The following ZNF568 variants were observed in gnomAD, a reference collection of about 807,000 sequenced individuals.
The protein encoded by ZNF568 is p53 inhibitor of SCO2 activation.
Under a neutral mutation model 18.1 loss-of-function variants are expected in ZNF568, and 11 were observed. The ratio of observed to expected loss-of-function variants is 0.61; its 90% CI spans 0.38 to 1.00. ZNF568 has a LOEUF of 1.00. ZNF568 is among the 50% of genes least tolerant of loss of function. The pLI is 0.01. For missense variants in ZNF568, 639 were observed against 768.2 expected (o/e 0.83, Z 1.99); for synonymous variants, 213 against 246.6 (o/e 0.86, Z 1.28).
intron 4 of ZNF568, among the ~76,000 whole-genome samples, chr19:36,925,874 A>G (rs2073544473): frequency 6.6e-6 from 1 of 152,190 alleles, no homozygotes. Flanking sequence ...CATTTTATAT[A>G]AGGGACTTGA....
In ZNF568 at chr19:36,948,658, A is replaced by ATTTTTTTTTTT. The variant is rs4069585; in HGVS notation, c.359-839_359-829dup. Among the ~76,000 whole-genome samples, 68 of 83,550 alleles carry ATTTTTTTTTTT rather than the reference A, an allele frequency of 8.1e-4. 5 individuals are homozygous for ATTTTTTTTTTT. The highest frequency in any genetic ancestry group is 2.3e-3 in the African/African-American group (49 of 20,992). 54.8% of individuals were successfully genotyped at this position (83,550 alleles called of 152,430 possible). ...TTGCAGCAGGGGTTTTTTGTTGTTG[A>ATTTTTTTTTTT]TTTTTTTTTTTTTTTTTTTTTTTTT... is the stretch of plus-strand genomic sequence containing the variant. On this transcript the variant is annotated intron_variant, in intron 6 of 6. Coordinates refer to ENST00000333987, the MANE Select transcript of ZNF568 (RefSeq NM_198539.4).
exon 5 of ZNF568, chr19:36,996,446 A>T: frequency 6.5e-7 from 1 of 1,536,480 alleles, no homozygotes; most frequent in Non-Finnish European, 8.7e-7. Flanking sequence ...CAACAGGGTC[A>T]TCAGGAGGGA....
At chr19:36,954,240 A>G (rs1004964536), downstream of ZNF568, among the ~76,000 whole-genome samples, 37 of 152,090 alleles carry the variant, frequency 2.4e-4, no homozygotes, top group African/African-American at 8.7e-4. Flanking sequence ...AATAAAAACA[A>G]TACAAAGGAG....
chr19:36,966,282 A>T (rs553816014), intron 6 of ZNF568, among the ~76,000 whole-genome samples: 1 of 152,172 alleles, frequency 6.6e-6, no homozygotes, highest in East Asian at 2.0e-4. Context: ...ACTCTGTCTC[A>T]AAAAGAAAAA....
At chr19:36,959,144 C>T (rs1219791245) in intron 6 of ZNF568, among the ~76,000 whole-genome samples, 1 of 152,094 alleles carries the variant, frequency 6.6e-6, no homozygotes, top group East Asian at 1.9e-4. Flanking sequence ...ATGGTGTTAG[C>T]TGTGGGTTTG....
chr19:36,954,211 C>A (rs950898363), downstream of ZNF568, among the ~76,000 whole-genome samples: 1 of 152,014 alleles, frequency 6.6e-6, no homozygotes, highest in African/African-American at 2.4e-5. Context: ...GGCGACACAG[C>A]AAGACTCTGC....
intron 6 of ZNF568, among the ~76,000 whole-genome samples, chr19:36,958,612 CTTTCTTTTT>C (rs1300465865): frequency 2.2e-4 from 19 of 84,490 alleles, no homozygotes; most frequent in African/African-American, 8.5e-4. Flanking sequence ...TTTTCTTTTT[CTTTCTTTTT>C]TTTTTTTTTT....
chr19:36,966,287 GA>G (rs1236859421), intron 6 of ZNF568, among the ~76,000 whole-genome samples: 1 of 151,774 alleles, frequency 6.6e-6, no homozygotes, highest in African/African-American at 2.4e-5. Context: ...GTCTCAAAAA[GA>G]AAAAAAGAAA....
intron 6 of ZNF568, among the ~76,000 whole-genome samples, chr19:36,946,630 T>C (rs1207167642): frequency 5.3e-5 from 8 of 149,606 alleles, no homozygotes; most frequent in Non-Finnish European, 1.2e-4. Context: ...AGAAATTTTT[T>C]AGTTTTTTTT....
At position 36,916,894 on chromosome 19, in the gene ZNF568, T is replaced by C. The variant is rs1238440240; in HGVS notation, c.-256+303T>C. On this transcript the variant is annotated intron_variant, in intron 1 of 6. Transcript: ENST00000333987. The surrounding 1 kb of genome is among the most constrained non-coding windows in gnomAD (Gnocchi z 5.3). ...ACACTTATTTGTTTTCTACTGATCC[T>C]CCCTCCTTGTTGGCCACTCCTCTGT... Among the ~76,000 whole-genome samples the C allele has an allele frequency of 6.6e-6, 1 of 152,150 alleles. No individual in the cohort carries two copies. The highest frequency in any genetic ancestry group is 2.4e-5 in the African/African-American group (1 of 41,424).
chr19:36,985,743 G>T (rs537015600), intron 2 of ZNF568, among the ~76,000 whole-genome samples: 2 of 152,202 alleles, frequency 1.3e-5, no homozygotes, highest in African/African-American at 4.8e-5. Flanking sequence ...GGCTGGTCTC[G>T]AACCCCTGAC....
intron 4 of ZNF568, among the ~76,000 whole-genome samples, chr19:36,929,124 A>G (rs4006397): frequency 3.2e-5 from 2 of 62,314 alleles, no homozygotes; most frequent in African/African-American, 1.4e-4. Context: ...AACTTTAGGG[A>G]AAAAAAAATT....
At chr19:36,939,251 G>A (rs1335890980) in intron 6 of ZNF568, among the ~76,000 whole-genome samples, 1 of 152,050 alleles carries the variant, frequency 6.6e-6, no homozygotes, top group South Asian at 2.1e-4. Flanking sequence ...TCTTTGTTCA[G>A]CCCTGCCTTT....
At chr19:36,969,046 G>T (rs1006832049) in intron 6 of ZNF568, among the ~76,000 whole-genome samples, 2 of 151,934 alleles carry the variant, frequency 1.3e-5, no homozygotes, top group East Asian at 3.9e-4. Context: ...TAGTAGAAAC[G>T]GGCTTTCACG....
intron 4 of ZNF568, among the ~76,000 whole-genome samples, chr19:36,925,814 G>A (rs1310020746): frequency 1.3e-5 from 2 of 152,118 alleles, no homozygotes; most frequent in African/African-American, 4.8e-5. Flanking sequence ...ATCTAGGGAC[G>A]ATTTAAAGTA....
intron 6 of ZNF568, among the ~76,000 whole-genome samples, chr19:36,962,315 G>T (rs1470282967): frequency 3.6e-5 from 2 of 56,318 alleles, no homozygotes; most frequent in South Asian, 6.6e-4. Flanking sequence ...CCAGGTTTAA[G>T]ACCCCCTTGA....
chr19:36,943,667 C>T (rs533008572), intron 6 of ZNF568, among the ~76,000 whole-genome samples: 5 of 152,150 alleles, frequency 3.3e-5, no homozygotes, highest in Non-Finnish European at 2.9e-5. Flanking sequence ...ATCCGCCTCC[C>T]GGGTTCAAGC....
At chr19:36,963,759 G>C (rs1314247513) in intron 6 of ZNF568, among the ~76,000 whole-genome samples, 1 of 152,038 alleles carries the variant, frequency 6.6e-6, no homozygotes, top group Non-Finnish European at 1.5e-5. Flanking sequence ...ACGAGGTCAA[G>C]AGATTGAGAC....
chr19:36,962,287 T>TG (rs1438184439), intron 6 of ZNF568, among the ~76,000 whole-genome samples: 2 of 143,020 alleles, frequency 1.4e-5, no homozygotes, highest in Non-Finnish European at 3.0e-5. Context: ...GTTTTTTTTT[T>TG]TTTTTTTTTT....
Sources: allele counts gnomAD v4.1 joint callset (sites outside exome capture counted in the v4.1 genomes callset), GRCh38; gene constraint gnomAD v4.1.1; non-coding constraint Gnocchi (gnomAD v3.1); transcripts MANE v1.5; gene names NCBI Gene and HGNC (gene_info 2026-07-23, HGNC 2026-07-21).